The following HSPA14 variants were observed in gnomAD, a reference collection of about 807,000 sequenced individuals.
HSPA14 encodes heat shock protein family A (Hsp70) member 14.
In HSPA14, 37 loss-of-function variants were observed where a neutral mutation model predicts 65.5. The ratio of observed to expected loss-of-function variants is 0.56; its 90% CI spans 0.43 to 0.74. The LOEUF (loss-of-function observed/expected upper bound fraction) is 0.74. Ranked by LOEUF, HSPA14 falls within the 30% of genes least tolerant of loss-of-function variation. HSPA14 has a pLI of 0.00. For synonymous variants in HSPA14, 203 were observed against 214.2 expected (o/e 0.95, Z 0.46); for missense variants, 564 against 607.6 (o/e 0.93, Z 0.75).
At chr10:14,838,502 C>T in intron 1 of HSPA14, 43 bp downstream of exon 1, 1 of 1,545,250 alleles carries the variant, frequency 6.5e-7, no homozygotes. Context: ...TGACGGCCAC[C>T]CGGTTTTCTG....
chr10:14,850,996 G>C, intron 6 of HSPA14: 1 of 371,700 alleles, frequency 2.7e-6, no homozygotes, highest in South Asian at 5.1e-5. Context: ...TGCTTTCTTT[G>C]TGAAGAATAT....
intron 6 of HSPA14, among the ~76,000 whole-genome samples, chr10:14,850,408 T>C (rs1834099679): frequency 6.6e-6 from 1 of 152,272 alleles, no homozygotes; most frequent in Admixed American, 6.5e-5. Context: ...TTAAGGTTTA[T>C]GTAGGAATTA....
At chr10:14,846,117 T>C (rs1189832611) in intron 3 of HSPA14, 7 of 982,782 alleles carry the variant, frequency 7.1e-6, no homozygotes, top group South Asian at 4.7e-5. Context: ...ACCAGACATA[T>C]AGACTCTTTA....
At chr10:14,856,641 T>A (rs1013343383) in intron 10 of HSPA14, among the ~76,000 whole-genome samples, 7 of 152,090 alleles carry the variant, frequency 4.6e-5, no homozygotes, top group Non-Finnish European at 8.8e-5. Flanking sequence ...GAGGGAGGAC[T>A]GCTTGAGCCC....
Position 14,851,331 on chromosome 10 carries a change from T to A in HSPA14, c.572+8T>A. The A allele has an allele frequency of 6.6e-7, 1 of 1,518,970 alleles. No individual in the cohort carries two copies. Among genetic ancestry groups the A allele is most frequent in the Non-Finnish European group, 9.1e-7 (1 of 1,094,476 alleles). 94.1% of individuals were successfully genotyped at this position (1,518,970 alleles called of 1,614,324 possible). On this transcript the variant is annotated splice_region_variant and intron_variant, in intron 7 of 13. Coordinates refer to ENST00000378372, the MANE Select transcript of HSPA14 (RefSeq NM_016299.4). The stretch of plus-strand genomic sequence containing the variant: ...CTCCCCTACTGGAAAAAGGTAAAGA[T>A]CATATTTGCAGTTTTAGGTTTTTTG...
At chr10:14,854,059 A>C in intron 8 of HSPA14, 66 bp from the exon 9 acceptor site, 1 of 1,395,516 alleles carries the variant, frequency 7.2e-7, no homozygotes, top group South Asian at 1.4e-5. Context: ...GATTATCCAG[A>C]TCTTAGTTAC....
At position 14,855,614 on chromosome 10, in the gene HSPA14, T is replaced by C. The variant is rs575460148; in HGVS notation, c.891-227T>C. Among the ~76,000 whole-genome samples the C allele has an allele frequency of 9.2e-5, 14 of 152,322 alleles. No homozygotes were observed. In the South Asian group the frequency reaches 2.7e-3, roughly 29 times the overall value. ...GAATTTGATATTATCTTCATATATATGTAGGTGAATGACCTAGACTCTCCT... is the reference window on the plus strand; with the variant it reads ...GAATTTGATATTATCTTCATATATACGTAGGTGAATGACCTAGACTCTCCT... On this transcript the variant is annotated intron_variant, in intron 9 of 13. Coordinates refer to ENST00000378372, the MANE Select transcript of HSPA14 (RefSeq NM_016299.4).
chr10:14,857,830 T>G (rs1005742251), intron 10 of HSPA14, among the ~76,000 whole-genome samples: 1 of 152,216 alleles, frequency 6.6e-6, no homozygotes, highest in African/African-American at 2.4e-5. Flanking sequence ...CAGTTTTATG[T>G]TTTTAGTTTT....
Position 14,871,685 on chromosome 10 carries a change from A to G in HSPA14, c.*79A>G, listed in dbSNP as rs193300516. 20 of 720,682 alleles carry G rather than the reference A, an allele frequency of 2.8e-5. 1 individual carries two copies. Among genetic ancestry groups the G allele is most frequent in the Non-Finnish European group, 1.9e-5 (8 of 421,920 alleles). The allele number at this position is 720,682 out of a possible 1,614,324, so 44.6% of individuals were successfully genotyped here. A position where few individuals can be genotyped will look rare whatever the true frequency, so the allele number is the denominator to read the frequency against. On this transcript the variant is annotated 3_prime_UTR_variant, in exon 14 of 14. Coordinates refer to ENST00000378372, the MANE Select transcript of HSPA14 (RefSeq NM_016299.4). Reference sequence around the variant, plus strand: ...GTGTATAAGTGGTGTTTGTATTAAAATACTTTTTCAATGAACTGTATAAAC... The same window carrying G: ...GTGTATAAGTGGTGTTTGTATTAAAGTACTTTTTCAATGAACTGTATAAAC...
intron 13 of HSPA14, 50 bp from the exon 14 acceptor site, chr10:14,871,478 T>G (rs1564328418): frequency 4.6e-6 from 5 of 1,093,128 alleles, no homozygotes; most frequent in Non-Finnish European, 6.9e-6. Flanking sequence ...AGACTTTATG[T>G]TTTTATAAAA....
rs1834116001 is a variant in HSPA14, at chr10:14,852,493, A to G, written c.696A>G (p.Thr232=). ...TDDNIGGAHF[T]ETLAQYLASE... The stretch of plus-strand genomic sequence containing the variant: ...ATAACATCGGTGGTGCACATTTCAC[A>G]GAAACCTTAGCACAGTATCTAGCTT... Residue 232 remains threonine, a synonymous_variant, in exon 8 of 14, where the codon ACA becomes ACG. Transcript: ENST00000378372. 1 of 1,613,996 alleles carries G rather than the reference A, an allele frequency of 6.2e-7. No homozygotes were observed. The highest frequency in any genetic ancestry group is 8.5e-7 in the Non-Finnish European group (1 of 1,179,896).
chr10:14,848,562 A>C, intron 3 of HSPA14, 47 bp from the exon 4 acceptor site: 1 of 1,393,516 alleles, frequency 7.2e-7, no homozygotes, highest in Non-Finnish European at 1.0e-6. Context: ...ATATATCTAC[A>C]ATACTGATTT....
At position 14,843,433 on chromosome 10, in the gene HSPA14, C is replaced by A. The variant is rs533900976; in HGVS notation, c.221+3276C>A. On this transcript the variant is annotated intron_variant, in intron 3 of 13. Coordinates refer to ENST00000378372, the MANE Select transcript of HSPA14 (RefSeq NM_016299.4). ...CAGCCTTTTCAGAGGTGCAGTTGCT[C>A]CCTGTCAGAGCAGCCCCATGGCCAG... 1.9e-4 allele frequency: 294 copies of A among 1,550,664 alleles called. 1 individual carries two copies. Among genetic ancestry groups the A allele is most frequent in the Non-Finnish European group, 2.3e-4 (265 of 1,147,040 alleles).
intron 3 of HSPA14, chr10:14,843,589 ACCAGTGAGCCCC>A: frequency 1.3e-6 from 2 of 1,550,630 alleles, no homozygotes; most frequent in Non-Finnish European, 1.7e-6. Flanking sequence ...TAGGCCCTTG[ACCAGTGAGCCCC>A]CTCCAAGGTG....
rs1196227253 is a variant in HSPA14 at position 14,842,679 on chromosome 10, G to A, written c.221+2522G>A. The A allele has an allele frequency of 5.9e-6, 9 of 1,536,196 alleles. No individual in the cohort carries two copies. The African/African-American group carries it at 1.2e-4, about 21-fold the overall frequency. On this transcript the variant is annotated intron_variant, in intron 3 of 13. Transcript: ENST00000378372. The surrounding 1 kb of genome is among the most constrained non-coding windows in gnomAD (Gnocchi z 5.2). ...AACTTAGTGGCCTCTGACGCCCCAGGGGAAGAGGGAACCGGCATTCTAAAA... is the reference window on the plus strand; with the variant it reads ...AACTTAGTGGCCTCTGACGCCCCAGAGGAAGAGGGAACCGGCATTCTAAAA...
At chr10:14,857,046 T>C (rs1211597072) in intron 10 of HSPA14, among the ~76,000 whole-genome samples, 1 of 152,174 alleles carries the variant, frequency 6.6e-6, no homozygotes, top group South Asian at 2.1e-4. Context: ...TAATTCTGTA[T>C]GTACAGTTTT....
At chr10:14,871,101 A>G (rs751810775) in intron 13 of HSPA14, among the ~76,000 whole-genome samples, 5 of 152,206 alleles carry the variant, frequency 3.3e-5, no homozygotes, top group Non-Finnish European at 7.4e-5. Context: ...CCATATCACT[A>G]TGTATTACAA....
At chr10:14,853,288 G>A (rs1588813045) in intron 8 of HSPA14, among the ~76,000 whole-genome samples, 2 of 152,126 alleles carry the variant, frequency 1.3e-5, no homozygotes, top group East Asian at 3.9e-4. Context: ...TGGAGATAGT[G>A]GAATGTAATT....
chr10:14,865,082 G>A (rs1381777535), intron 10 of HSPA14, among the ~76,000 whole-genome samples: 5 of 152,136 alleles, frequency 3.3e-5, no homozygotes, highest in Admixed American at 6.5e-5. Context: ...GTGATGATGA[G>A]CATTTTTTCA....
Sources: allele counts gnomAD v4.1 joint callset (sites outside exome capture counted in the v4.1 genomes callset), GRCh38; gene constraint gnomAD v4.1.1; non-coding constraint Gnocchi (gnomAD v3.1); transcripts MANE v1.5; gene names NCBI Gene and HGNC (gene_info 2026-07-23, HGNC 2026-07-21).